Variants in MAPK8 observed in about 807,000 individuals in gnomAD.
The protein encoded by MAPK8 is JUN N-terminal kinase.
A neutral mutation model predicts 52.9 loss-of-function variants in MAPK8; 13 were observed. The ratio of observed to expected loss-of-function variants is 0.25; its 90% confidence interval spans 0.16 to 0.39. The LOEUF (loss-of-function observed/expected upper bound fraction) is 0.39, where lower values mean the gene tolerates loss of function less well. Among genes scored for constraint, MAPK8 ranks in the 10% least tolerant of loss-of-function variants. MAPK8 has a pLI of 1.00. For synonymous variants in MAPK8, 191 were observed against 169.8 expected (o/e 1.12, Z -0.97); for missense variants, 300 against 519.2 (o/e 0.58, Z 4.10).
At chr10:48,432,282 G>A (rs751010216) in intron 11 of MAPK8, among the ~76,000 whole-genome samples, 1 of 152,118 alleles carries the variant, frequency 6.6e-6, no homozygotes, top group Admixed American at 6.5e-5. Flanking sequence ...ATATGGGTAA[G>A]GTTTTTTAAA....
In MAPK8 at chr10:48,392,389, G is replaced by A. The variant is rs577050367; in HGVS notation, c.-49-9223G>A. On this transcript the variant is annotated intron_variant, in intron 1 of 11. Transcript: ENST00000374189. ...ACAAGGTATATGGGAGTTAAGAGCC[G>A]GGAGCTGTGGATGAAAACCTATATA... Among the ~76,000 whole-genome samples, 11 of 152,132 alleles carry A rather than the reference G, an allele frequency of 7.2e-5. No individual in the cohort carries two copies. In the South Asian group the frequency reaches 1.3e-3, roughly 17 times the overall value.
At chr10:48,381,912 C>T (rs2041027702) in intron 1 of MAPK8, among the ~76,000 whole-genome samples, 1 of 152,260 alleles carries the variant, frequency 6.6e-6, no homozygotes, top group Middle Eastern at 3.4e-3. Context: ...CAACTACCCA[C>T]GTGGCACCCA....
At chr10:48,404,800 T>A in intron 2 of MAPK8, 52 bp from the exon 3 acceptor site, 1 of 1,462,748 alleles carries the variant, frequency 6.8e-7, no homozygotes. Flanking sequence ...GAATTCAGTT[T>A]ACAGATTTTT....
At chr10:48,307,794 G>A (rs2077818046) in intron 1 of MAPK8, among the ~76,000 whole-genome samples, 1 of 152,162 alleles carries the variant, frequency 6.6e-6, no homozygotes. Context: ...TTGGCAATTA[G>A]AACATCTGTT....
chr10:48,325,100 C>T (rs1264101335), intron 1 of MAPK8, among the ~76,000 whole-genome samples: 1 of 152,016 alleles, frequency 6.6e-6, no homozygotes, highest in Non-Finnish European at 1.5e-5. Context: ...CTCTGCCTCC[C>T]GAGTAGCTGG....
chr10:48,390,082 C>G (rs1334060810), intron 1 of MAPK8, among the ~76,000 whole-genome samples: 2 of 152,046 alleles, frequency 1.3e-5, no homozygotes, highest in Non-Finnish European at 2.9e-5. Flanking sequence ...CCAGTAGGCT[C>G]AAGATCTAGG....
intron 1 of MAPK8, among the ~76,000 whole-genome samples, chr10:48,337,685 T>C (rs1180716752): frequency 6.6e-6 from 1 of 151,818 alleles, no homozygotes; most frequent in African/African-American, 2.4e-5. Context: ...TTCTAAAGGG[T>C]AAACAAAATT....
At chr10:48,320,906 A>G (rs546198687) in intron 1 of MAPK8, among the ~76,000 whole-genome samples, 50 of 152,280 alleles carry the variant, frequency 3.3e-4, no homozygotes, top group African/African-American at 1.2e-3. Flanking sequence ...TCTTGAAAAT[A>G]GCCACCTGAT....
At chr10:48,397,395 G>A (rs2041942654) in intron 1 of MAPK8, among the ~76,000 whole-genome samples, 1 of 151,820 alleles carries the variant, frequency 6.6e-6, no homozygotes, top group South Asian at 2.1e-4. Context: ...GGCTCAAGGA[G>A]TCCTTCTGTC....
At chr10:48,408,469 A>C (rs2042581614) in intron 3 of MAPK8, among the ~76,000 whole-genome samples, 2 of 152,258 alleles carry the variant, frequency 1.3e-5, no homozygotes, top group South Asian at 4.1e-4. Flanking sequence ...AAGCATCAAA[A>C]CATTTTAAAA....
chr10:48,322,375 A>G (rs566380438), intron 1 of MAPK8, among the ~76,000 whole-genome samples: 30 of 152,038 alleles, frequency 2.0e-4, no homozygotes, highest in Non-Finnish European at 3.2e-4. Flanking sequence ...TTAAGACATT[A>G]TATAAGGAAA....
intron 2 of MAPK8, among the ~76,000 whole-genome samples, chr10:48,404,082 C>T (rs2042322040): frequency 6.6e-6 from 1 of 151,164 alleles, no homozygotes; most frequent in Non-Finnish European, 1.5e-5. Flanking sequence ...TGCGCCTGGC[C>T]CTTCTGTATT....
chr10:48,416,434 G>A (rs2043068860), intron 5 of MAPK8, among the ~76,000 whole-genome samples: 1 of 152,198 alleles, frequency 6.6e-6, no homozygotes, highest in Admixed American at 6.5e-5. Flanking sequence ...CCCAGCCTCT[G>A]CCACAGTCTG....
chr10:48,426,123 T>C, intron 8 of MAPK8, 53 bp downstream of exon 8: 1 of 1,442,712 alleles, frequency 6.9e-7, no homozygotes, highest in Non-Finnish European at 9.4e-7. Context: ...GTAGTGTGTG[T>C]GTATGGGTTT....
At chr10:48,310,160 T>C (rs1389665038) in intron 1 of MAPK8, among the ~76,000 whole-genome samples, 1 of 152,222 alleles carries the variant, frequency 6.6e-6, no homozygotes, top group Non-Finnish European at 1.5e-5. Flanking sequence ...TTCTGCCATC[T>C]GGACTTTGTC....
chr10:48,306,904 C>A (rs1841382015), intron 1 of MAPK8, 83 bp downstream of exon 1: 2 of 152,436 alleles, frequency 1.3e-5, no homozygotes, highest in Non-Finnish European at 2.9e-5. Context: ...GCCGCCGCCG[C>A]CTTCTCCTCA....
chr10:48,393,523 A>G (rs985738227), intron 1 of MAPK8, among the ~76,000 whole-genome samples: 9 of 152,116 alleles, frequency 5.9e-5, no homozygotes, highest in Admixed American at 5.9e-4. Context: ...TGAATATGGG[A>G]TGTAATACCA....
intron 1 of MAPK8, among the ~76,000 whole-genome samples, chr10:48,386,969 C>G (rs547630139): frequency 6.6e-6 from 1 of 152,312 alleles, no homozygotes; most frequent in African/African-American, 2.4e-5. Context: ...TTAGCTAAAT[C>G]CACCCTCCTC....
chr10:48,403,925 G>A (rs1336080965), intron 2 of MAPK8, among the ~76,000 whole-genome samples: 1 of 147,266 alleles, frequency 6.8e-6, no homozygotes, highest in South Asian at 2.3e-4. Context: ...ATTTGTGTGT[G>A]TGTGTGTGTG....
Sources: allele counts gnomAD v4.1 joint callset (sites outside exome capture counted in the v4.1 genomes callset), GRCh38; gene constraint gnomAD v4.1.1; transcripts MANE v1.5; gene names NCBI Gene and HGNC (gene_info 2026-07-23, HGNC 2026-07-21).